Variants in ADGRV1 observed in about 807,000 individuals in gnomAD.
The protein encoded by ADGRV1 is adhesion G protein-coupled receptor V1.
Under a neutral mutation model 596.2 loss-of-function variants are expected in ADGRV1, and 359 were observed. That is an observed-to-expected ratio of 0.60 (90% CI 0.55 to 0.66). The LOEUF (loss-of-function observed/expected upper bound fraction) is 0.66. Among genes scored for constraint, ADGRV1 ranks in the 30% least tolerant of loss-of-function variants. The pLI is 0.00. For synonymous variants in ADGRV1, 2,681 were observed against 2,679.2 expected (o/e 1.00, Z -0.02); for missense variants, 7,274 against 7,575.6 (o/e 0.96, Z 1.48).
At chr5:90,844,115 A>G (rs1581293680) in intron 78 of ADGRV1, among the ~76,000 whole-genome samples, 2 of 152,312 alleles carry the variant, frequency 1.3e-5, no homozygotes, top group Admixed American at 1.3e-4. Flanking sequence ...CTAAAATTCA[A>G]ATAAGGTCAT....
intron 34 of ADGRV1, among the ~76,000 whole-genome samples, chr5:90,700,605 A>C (rs145973996): frequency 2.0e-4 from 31 of 152,254 alleles, no homozygotes; most frequent in Non-Finnish European, 4.1e-4. Flanking sequence ...CAGCAGCATA[A>C]TCATCATGTC....
chr5:90,870,831 A>G lies in ADGRV1; in HGVS notation c.17856+6974A>G, dbSNP rs577870866. On this transcript the variant is annotated intron_variant, in intron 83 of 89. Transcript: ENST00000405460. ...CTAATATTTTCTTTCCTTGAAAGAG[A>G]ACTTCCTGTTGAAGTTTGTTGAAAG... Among the ~76,000 whole-genome samples the G allele has an allele frequency of 6.6e-5, 10 of 152,268 alleles. 1 individual carries two copies. The South Asian group carries it at 2.1e-3, about 32-fold the overall frequency.
chr5:90,683,125 A>G (rs567272783), intron 27 of ADGRV1, among the ~76,000 whole-genome samples: 1 of 152,344 alleles, frequency 6.6e-6, no homozygotes, highest in South Asian at 2.1e-4. Flanking sequence ...GATACACAAA[A>G]AATAGTTATA....
In ADGRV1 at chr5:90,627,399, G is replaced by A. The variant is rs759425009; in HGVS notation, c.861G>A (p.Lys287=). The A allele has an allele frequency of 7.4e-6, 12 of 1,613,732 alleles. No individual in the cohort carries two copies. The highest frequency in any genetic ancestry group is 2.7e-5 in the African/African-American group (2 of 74,894). Residue 287 remains lysine, a synonymous_variant, in exon 7 of 90, where the codon AAG becomes AAA. Coordinates refer to ENST00000405460, the MANE Select transcript of ADGRV1 (RefSeq NM_032119.4). The part of the protein sequence containing the change: ...HILIIPVVRG[K]DNNGNLIGSD... ...TCATAATTCCAGTAGTTCGTGGAAA[G>A]GACAACAATGGAAATCTGATTGGAT...
chr5:90,781,296 T>C (rs936188973), intron 64 of ADGRV1, 134 bp from the exon 65 acceptor site: 4 of 723,864 alleles, frequency 5.5e-6, no homozygotes, highest in African/African-American at 1.8e-5. Context: ...GCGTTGAGGA[T>C]CTTTAAAAGT....
chr5:90,755,270 T>TTC (rs200918050), intron 55 of ADGRV1, 85 bp downstream of exon 55: 10 of 828,924 alleles, frequency 1.2e-5, no homozygotes, highest in Admixed American at 2.9e-5. Context: ...AGTAAAAATC[T>TTC]TTTTTTTAAT....
intron 2 of ADGRV1, among the ~76,000 whole-genome samples, chr5:90,616,330 G>A (rs1290380456): frequency 1.3e-5 from 2 of 151,938 alleles, no homozygotes; most frequent in Non-Finnish European, 2.9e-5. Context: ...TAATAATACT[G>A]AGAATCTTAC....
rs567163574 is a variant in ADGRV1 at position 90,803,390 on chromosome 5, G to C, written c.14661+508G>C. On this transcript the variant is annotated intron_variant, in intron 71 of 89. Coordinates refer to ENST00000405460, the MANE Select transcript of ADGRV1 (RefSeq NM_032119.4). The stretch of plus-strand genomic sequence containing the variant: ...ACATGAGAACAAAGAACAACTTGAG[G>C]GCTTTCCTTTCCTTTCAGGCGGATT... Among the ~76,000 whole-genome samples the C allele has an allele frequency of 2.6e-5, 4 of 152,260 alleles. No homozygotes were observed. The South Asian group carries it at 8.3e-4, about 32-fold the overall frequency.
At chr5:90,853,233 A>T (rs557362610) in intron 79 of ADGRV1, 51 bp from the exon 80 acceptor site, 20 of 1,521,634 alleles carry the variant, frequency 1.3e-5, no homozygotes, top group Middle Eastern at 1.8e-4. Context: ...AAGTGGATAT[A>T]TGTATTCAAA....
At chr5:90,604,196 G>A (rs1328056544) in intron 1 of ADGRV1, among the ~76,000 whole-genome samples, 1 of 151,736 alleles carries the variant, frequency 6.6e-6, no homozygotes, top group East Asian at 1.9e-4. Context: ...TTAAATCTTG[G>A]CAAAAATGAT....
At chr5:90,625,065 A>ATGAT in intron 5 of ADGRV1, 65 bp from the exon 6 acceptor site, 1 of 940,762 alleles carries the variant, frequency 1.1e-6, no homozygotes, top group Non-Finnish European at 1.7e-6. Context: ...TGACATCACA[A>ATGAT]TGATGCTTTC....
intron 87 of ADGRV1, among the ~76,000 whole-genome samples, chr5:91,139,102 A>AGT (rs1402978726): frequency 8.5e-5 from 13 of 152,314 alleles, no homozygotes; most frequent in African/African-American, 3.1e-4. Context: ...TTCAGGGCAT[A>AGT]GTTTACACCT....
intron 1 of ADGRV1, among the ~76,000 whole-genome samples, chr5:90,575,012 A>ATTTTATTTAT (rs1268979982): frequency 6.6e-6 from 1 of 151,554 alleles, no homozygotes; most frequent in Non-Finnish European, 1.5e-5. Flanking sequence ...GGGTTTATCA[A>ATTTTATTTAT]TTTTATTTAT....
chr5:90,985,194 T>G (rs1231453999), intron 84 of ADGRV1, 150 bp from the exon 85 acceptor site: 5 of 470,386 alleles, frequency 1.1e-5, no homozygotes, highest in Non-Finnish European at 1.9e-5. Flanking sequence ...TATGAAAGAA[T>G]GAATGTATGA....
intron 50 of ADGRV1, among the ~76,000 whole-genome samples, chr5:90,732,192 T>C (rs1415309904): frequency 6.6e-6 from 1 of 152,090 alleles, no homozygotes; most frequent in Non-Finnish European, 1.5e-5. Context: ...TTTTTAAAAG[T>C]GGAGTTTCTT....
intron 77 of ADGRV1, among the ~76,000 whole-genome samples, chr5:90,839,742 T>C (rs78334959): frequency 6.6e-6 from 1 of 152,168 alleles, no homozygotes; most frequent in Non-Finnish European, 1.5e-5. Flanking sequence ...TGCTACCCTT[T>C]CCATCACCGT....
chr5:90,965,516 C>G lies in ADGRV1; in HGVS notation c.17958C>G (p.Ser5986Arg). The G allele has an allele frequency of 6.2e-7, 1 of 1,607,562 alleles. No homozygotes were observed. The highest frequency in any genetic ancestry group is 8.5e-7 in the Non-Finnish European group (1 of 1,174,474). The change falls in exon 84 of 90, where the codon AGC becomes AGG. Residue 5986 changes from serine (S) to arginine (R), a missense_variant. Coordinates refer to ENST00000405460, the MANE Select transcript of ADGRV1 (RefSeq NM_032119.4). ...ATTACCTGTATCTTTGCCAGTTTAG[C>G]TGGATGCTCATTCAGGTTGGTACCT... ...VTHYLYLCQF[S>R]WMLIQSVNFW... is the part of the protein sequence containing the mutation.
At chr5:90,874,697 TAA>T (rs1343552402) in intron 83 of ADGRV1, among the ~76,000 whole-genome samples, 8 of 151,746 alleles carry the variant, frequency 5.3e-5, no homozygotes, top group Non-Finnish European at 8.8e-5. Flanking sequence ...CCGTCTCTAC[TAA>T]AAATACAAAT....
intron 67 of ADGRV1, among the ~76,000 whole-genome samples, chr5:90,784,840 C>T (rs1213387691): frequency 6.6e-6 from 1 of 152,156 alleles, no homozygotes; most frequent in East Asian, 1.9e-4. Flanking sequence ...AATGGCCATA[C>T]TGCCTAAGGT....
Sources: allele counts gnomAD v4.1 joint callset (sites outside exome capture counted in the v4.1 genomes callset), GRCh38; gene constraint gnomAD v4.1.1; transcripts MANE v1.5; gene names NCBI Gene and HGNC (gene_info 2026-07-23, HGNC 2026-07-21).